CERS6: variants seen among roughly 807,000 people sequenced by gnomAD.
CERS6 encodes LAG1 homolog, ceramide synthase 6.
CERS6 carries 26 observed loss-of-function variants against 56.8 expected under a neutral mutation model. That is an observed-to-expected ratio of 0.46 (90% confidence interval 0.34 to 0.63). The LOEUF (loss-of-function observed/expected upper bound fraction) is 0.63, where lower values mean the gene tolerates loss of function less well. Ranked by LOEUF, CERS6 falls within the 30% of genes least tolerant of loss-of-function variation. The pLI, the probability that CERS6 is intolerant of heterozygous loss-of-function variation, is 0.01. For synonymous variants in CERS6, 164 were observed against 173.3 expected (o/e 0.95, Z 0.42); for missense variants, 415 against 467.5 (o/e 0.89, Z 1.04).
chr2:168,677,550 T>C (rs1307618942), intron 4 of CERS6, among the ~76,000 whole-genome samples: 1 of 152,106 alleles, frequency 6.6e-6, no homozygotes, highest in Non-Finnish European at 1.5e-5. Flanking sequence ...CAGGCTGGAG[T>C]GCAATGGCGC....
intron 3 of CERS6, among the ~76,000 whole-genome samples, chr2:168,619,099 A>G (rs1035004620): frequency 1.3e-5 from 2 of 152,218 alleles, no homozygotes; most frequent in African/African-American, 4.8e-5. Context: ...GGAAACAAAA[A>G]CATAAAGTGG....
intron 4 of CERS6, among the ~76,000 whole-genome samples, chr2:168,660,396 T>A (rs183135558): frequency 6.6e-6 from 1 of 152,158 alleles, no homozygotes; most frequent in Admixed American, 6.5e-5. Flanking sequence ...TTTCTAACAG[T>A]CTCTCTTTGT....
At chr2:168,715,267 T>C in intron 7 of CERS6, 138 bp downstream of exon 7, 1 of 595,244 alleles carries the variant, frequency 1.7e-6, no homozygotes, top group Non-Finnish European at 2.6e-6. Context: ...AGAGTGTTTC[T>C]TTGTAGGTTA....
intron 4 of CERS6, among the ~76,000 whole-genome samples, chr2:168,672,547 T>C (rs1316840525): frequency 6.6e-6 from 1 of 152,230 alleles, no homozygotes; most frequent in Non-Finnish European, 1.5e-5. Flanking sequence ...TTCATAGATA[T>C]AGGTTGGTCA....
intron 8 of CERS6, among the ~76,000 whole-genome samples, chr2:168,747,365 C>T (rs1003408504): frequency 2.0e-5 from 3 of 151,696 alleles, no homozygotes; most frequent in African/African-American, 7.3e-5. Flanking sequence ...AGATAAAAGA[C>T]ATGATTTTAA....
intron 1 of CERS6, among the ~76,000 whole-genome samples, chr2:168,485,517 A>G (rs985209732): frequency 6.6e-6 from 1 of 151,998 alleles, no homozygotes; most frequent in Non-Finnish European, 1.5e-5. Context: ...CTCCCCCCAC[A>G]CTGAACTTTT....
intron 1 of CERS6, among the ~76,000 whole-genome samples, chr2:168,472,025 A>G (rs941041224): frequency 2.6e-5 from 4 of 152,168 alleles, no homozygotes; most frequent in Non-Finnish European, 5.9e-5. Flanking sequence ...TGTGTGCACA[A>G]TGAAAGGGAG....
intron 4 of CERS6, among the ~76,000 whole-genome samples, chr2:168,667,719 G>A (rs757310136): frequency 6.6e-6 from 1 of 152,104 alleles, no homozygotes; most frequent in Non-Finnish European, 1.5e-5. Context: ...TACAGGTATC[G>A]GGTGTGAGCC....
chr2:168,500,580 T>C (rs1441600614), intron 1 of CERS6, among the ~76,000 whole-genome samples: 3 of 152,172 alleles, frequency 2.0e-5, no homozygotes, highest in Non-Finnish European at 4.4e-5. Flanking sequence ...TATATTGGGT[T>C]AGGGGGACAA....
At chr2:168,720,657 T>C (rs991668314) in intron 8 of CERS6, among the ~76,000 whole-genome samples, 3 of 152,184 alleles carry the variant, frequency 2.0e-5, no homozygotes, top group Non-Finnish European at 4.4e-5. Context: ...CTCACAGCAT[T>C]GTTGTAAACA....
chr2:168,655,917 T>C (rs1480223859), intron 4 of CERS6, among the ~76,000 whole-genome samples: 1 of 152,260 alleles, frequency 6.6e-6, no homozygotes, highest in Non-Finnish European at 1.5e-5. Context: ...TATGTTAATC[T>C]GCTTCATTGT....
intron 1 of CERS6, among the ~76,000 whole-genome samples, chr2:168,503,066 C>G (rs1037473467): frequency 1.9e-4 from 29 of 152,000 alleles, no homozygotes; most frequent in African/African-American, 6.3e-4. Context: ...GGTGGTTTCC[C>G]CCATGCTTTT....
intron 1 of CERS6, among the ~76,000 whole-genome samples, chr2:168,476,524 T>C (rs1427816450): frequency 6.6e-6 from 1 of 152,214 alleles, no homozygotes; most frequent in South Asian, 2.1e-4. Context: ...GATAGGAGAT[T>C]TATTAGAGGA....
intron 3 of CERS6, among the ~76,000 whole-genome samples, chr2:168,567,581 C>G (rs2105386246): frequency 6.6e-6 from 1 of 152,278 alleles, no homozygotes; most frequent in Admixed American, 6.5e-5. Context: ...CTATTCTTAA[C>G]CCATGGGCCA....
At chr2:168,721,712 G>A (rs1457051598) in intron 8 of CERS6, among the ~76,000 whole-genome samples, 3 of 150,962 alleles carry the variant, frequency 2.0e-5, no homozygotes, top group Admixed American at 6.6e-5. Context: ...TTGAACTCCT[G>A]GGCTCAAGTG....
intron 8 of CERS6, among the ~76,000 whole-genome samples, chr2:168,761,994 T>C (rs1684594311): frequency 6.6e-6 from 1 of 151,966 alleles, no homozygotes; most frequent in Non-Finnish European, 1.5e-5. Flanking sequence ...CATCACACAC[T>C]GGGGCCTGTC....
intron 4 of CERS6, among the ~76,000 whole-genome samples, chr2:168,668,070 GC>G (rs1473762473): frequency 6.6e-6 from 1 of 152,166 alleles, no homozygotes; most frequent in East Asian, 1.9e-4. Flanking sequence ...ATGATAAGGA[GC>G]CCGGGCTTTA....
chr2:168,525,173 G>A (rs1695049549), intron 1 of CERS6, among the ~76,000 whole-genome samples: 1 of 152,220 alleles, frequency 6.6e-6, no homozygotes, highest in Non-Finnish European at 1.5e-5. Flanking sequence ...GTCTGTTCAA[G>A]TCCAGGCCAA....
chr2:168,724,546 A>T (rs1683286555), intron 8 of CERS6, among the ~76,000 whole-genome samples: 1 of 152,104 alleles, frequency 6.6e-6, no homozygotes, highest in Admixed American at 6.5e-5. Flanking sequence ...TCTGAGCTAG[A>T]CACAAAGGTT....
Sources: allele counts gnomAD v4.1 joint callset (sites outside exome capture counted in the v4.1 genomes callset), GRCh38; gene constraint gnomAD v4.1.1; transcripts MANE v1.5; gene names NCBI Gene and HGNC (gene_info 2026-07-23, HGNC 2026-07-21).